The following TRIP13 variants were observed in gnomAD, a reference collection of about 807,000 sequenced individuals.
TRIP13 encodes pachytene checkpoint protein 2 homolog.
TRIP13 carries 25 observed loss-of-function variants against 54.4 expected under a neutral mutation model. The observed-to-expected ratio is 0.46, with a 90% CI of 0.33 to 0.64. TRIP13 has a LOEUF of 0.64. Among genes scored for constraint, TRIP13 ranks in the 30% least tolerant of loss-of-function variants. The probability of loss-of-function intolerance (pLI) is 0.02; values close to 1 mark genes in which losing one functional copy is unlikely to be tolerated. For missense variants in TRIP13, 373 were observed against 534.2 expected, an observed-to-expected ratio of 0.70 and a Z score of 2.97; for synonymous variants, 207 against 207.8, an observed-to-expected ratio of 1.00 and a Z score of 0.03.
In TRIP13 at chr5:907,136, A is replaced by T. The variant is rs1267984286; in HGVS notation, c.615A>T (p.Arg205=). 6.2e-7 allele frequency: 1 copy of T among 1,613,980 alleles called. No individual in the cohort carries two copies. The highest frequency in any genetic ancestry group is 1.3e-5 in the African/African-American group (1 of 74,936). The change falls in exon 7 of 13, where the codon CGA becomes CGT. Residue 205 remains arginine (R), a synonymous_variant. Transcript: ENST00000166345. This position sits in a 1 kb window ranked among gnomAD's most constrained non-coding sequence, Gnocchi z 4.1. ...CTCCTTTTTTCTATCTCAGGTACCG[A>T]TATGGCCAATTAATTGAAATAAACA... The part of the protein sequence containing the change: ...KLTIRLSSRY[R]YGQLIEINSH...
intron 9 of TRIP13, among the ~76,000 whole-genome samples, chr5:910,945 C>G (rs1181569414): frequency 6.6e-6 from 1 of 152,226 alleles, no homozygotes; most frequent in Non-Finnish European, 1.5e-5. Flanking sequence ...CTCCCTTGGC[C>G]AGGGTCTAGG....
chr5:893,039 G>C lies in TRIP13; in HGVS notation c.41G>C (p.Cys14Ser), dbSNP rs935666141. 6.3e-7 allele frequency: 1 copy of C among 1,597,178 alleles called. No homozygotes were observed. Among genetic ancestry groups the C allele is most frequent in the African/African-American group, 1.3e-5 (1 of 74,346 alleles). Residue 14 changes from cysteine to serine, a missense_variant, in exon 1 of 13, where the codon TGT (cysteine) becomes TCT (serine). By Grantham distance (112) the Cys-to-Ser change is moderately radical. Around this residue, in one of 4 missense-constraint regions of TRIP13, gnomAD observed 151 missense variants for 151.9 expected, o/e 0.99. Transcript: ENST00000166345. ...GGCGACCTGAAGCAGGCGCTTCCCTGTGTGGCCGAGTCGCCAACGGTCCAC... is the reference window on the plus strand; with the variant it reads ...GGCGACCTGAAGCAGGCGCTTCCCTCTGTGGCCGAGTCGCCAACGGTCCAC... The part of the protein sequence containing the change: ...AVGDLKQALP[C>S]VAESPTVHVE...
Position 911,563 on chromosome 5 carries a change from T to C in TRIP13, c.867-280T>C, listed in dbSNP as rs1176118836. On this transcript the variant is annotated intron_variant, in intron 9 of 12. Coordinates refer to ENST00000166345, the MANE Select transcript of TRIP13 (RefSeq NM_004237.4). This position sits in a 1 kb window ranked among gnomAD's most constrained non-coding sequence, Gnocchi z 4.7. Reference sequence around the variant, plus strand: ...TCCAGCCTGGGCGAAAGAGCGAGACTCTGTCTCAAAAAAAAAAAAAAAGGA... The same window carrying C: ...TCCAGCCTGGGCGAAAGAGCGAGACCCTGTCTCAAAAAAAAAAAAAAAGGA... 7.2e-6 allele frequency among the ~76,000 whole-genome samples: 1 copy of C among 138,580 alleles called. No individual in the cohort carries two copies. Among genetic ancestry groups the C allele is most frequent in the Non-Finnish European group, 1.6e-5 (1 of 60,758 alleles). The allele number at this position is 138,580 out of a possible 152,430, so 90.9% of individuals were successfully genotyped here.
At chr5:893,152 A>G in intron 1 of TRIP13, 62 bp downstream of exon 1, 1 of 1,262,674 alleles carries the variant, frequency 7.9e-7, no homozygotes, top group South Asian at 1.3e-5. Context: ...CAGCGCGTGC[A>G]CCGAGCCCCG....
Position 917,367 on chromosome 5 carries a change from A to G in TRIP13, c.*264A>G, listed in dbSNP as rs889316894. Reference sequence around the variant, plus strand: ...CAGATTGTTTGTCTCCTTGTGAAGAACCATCGAAACCTGTTTGTTCCCAGC... The same window carrying G: ...CAGATTGTTTGTCTCCTTGTGAAGAGCCATCGAAACCTGTTTGTTCCCAGC... On this transcript the variant is annotated 3_prime_UTR_variant, in exon 13 of 13. Coordinates refer to ENST00000166345, the MANE Select transcript of TRIP13 (RefSeq NM_004237.4). 4.0e-5 allele frequency: 14 copies of G among 350,108 alleles called. No individual in the cohort carries two copies. The highest frequency in any genetic ancestry group is 6.2e-5 in the Non-Finnish European group (12 of 192,474). 21.7% of individuals were successfully genotyped at this position (350,108 alleles called of 1,614,324 possible). A position where few individuals can be genotyped will look rare whatever the true frequency, so the allele number is the denominator to read the frequency against.
At position 914,720 on chromosome 5, in the gene TRIP13, C is replaced by CGTGT. The variant is rs60208703; in HGVS notation, c.1133+161_1133+164dup. On this transcript the variant is annotated intron_variant, in intron 11 of 12. Coordinates refer to ENST00000166345, the MANE Select transcript of TRIP13 (RefSeq NM_004237.4). ...ATAGGTATGAACATGCATGTACACA[C>CGTGT]GTGTGTGTGTGTGTGTGTGTGCATG... is the stretch of plus-strand genomic sequence containing the variant. 10,901 of 596,614 alleles carry CGTGT rather than the reference C, an allele frequency of 0.018. 657 individuals carry two copies. Among genetic ancestry groups the CGTGT allele is most frequent in the African/African-American group, 0.17 (8,769 of 52,886 alleles). The allele number at this position is 596,614 out of a possible 1,614,324, so 37.0% of individuals were successfully genotyped here.
chr5:904,867 C>T (rs1033767845), intron 6 of TRIP13, among the ~76,000 whole-genome samples: 1 of 152,130 alleles, frequency 6.6e-6, no homozygotes, highest in Admixed American at 6.5e-5. Context: ...ATTATGTTCT[C>T]GTTCACGTCT....
rs1754359675 is a variant in TRIP13 at position 917,206 on chromosome 5, A to G, written c.*103A>G. 2 of 1,085,446 alleles carry G rather than the reference A, an allele frequency of 1.8e-6. No individual in the cohort carries two copies. The highest frequency in any genetic ancestry group is 2.7e-6 in the Non-Finnish European group (2 of 751,214). The allele number at this position is 1,085,446 out of a possible 1,614,324, so 67.2% of individuals were successfully genotyped here. ...CCCAGGGAATCCCTTCTGCAAACCA[A>G]ACGTTACTTAGACTGCAAGCTAGAA... On this transcript the variant is annotated 3_prime_UTR_variant, in exon 13 of 13. Transcript: ENST00000166345.
At chr5:901,266 T>C in intron 4 of TRIP13, 75 bp from the exon 5 acceptor site, 1 of 1,405,492 alleles carries the variant, frequency 7.1e-7, no homozygotes, top group South Asian at 1.2e-5. Context: ...GATTAAGCCC[T>C]GGGGGAGGGC....
chr5:918,455 G>T (rs1457913448), downstream of TRIP13, among the ~76,000 whole-genome samples: 1 of 152,196 alleles, frequency 6.6e-6, no homozygotes, highest in East Asian at 1.9e-4. The surrounding 1 kb of genome is among the most constrained non-coding windows in gnomAD (Gnocchi z 4.3). Context: ...TCAGCTTGGG[G>T]TCCACAGTGG....
At chr5:895,072 G>A in intron 2 of TRIP13, 120 bp downstream of exon 2, 1 of 1,171,220 alleles carries the variant, frequency 8.5e-7, no homozygotes, top group Non-Finnish European at 1.2e-6. Flanking sequence ...TGTTGGTTTG[G>A]GTGGCTAGAC....
chr5:894,830 C>G lies in TRIP13; in HGVS notation c.136C>G (p.Leu46Val). ...CATAAACCTGAGTGTTAGAAAGCTA[C>G]TCAACAGACATAATATTGTGTTTGG... ...EDINLSVRKLLNRHNIVFGDY... is the reference protein window; with the variant it reads ...EDINLSVRKLVNRHNIVFGDY... The change falls in exon 2 of 13, where the codon CTC becomes GTC. Residue 46 changes from leucine (L) to valine (V), a missense_variant. Physicochemically the swap from Leu to Val is conservative, Grantham distance 32. This residue lies in a region of TRIP13 where 151 missense variants were observed against 151.9 expected (regional missense o/e 0.99). Transcript: ENST00000166345. 1.2e-6 allele frequency: 2 copies of G among 1,613,156 alleles called. No individual in the cohort carries two copies. The highest frequency in any genetic ancestry group is 1.7e-6 in the Non-Finnish European group (2 of 1,179,722).
chr5:895,769 T>A (rs1190414246), intron 2 of TRIP13, among the ~76,000 whole-genome samples: 1 of 152,328 alleles, frequency 6.6e-6, no homozygotes, highest in Middle Eastern at 3.4e-3. Context: ...GACTGCAGAT[T>A]CACTTGTAGG....
intron 3 of TRIP13, 73 bp downstream of exon 3, chr5:896,867 C>T: frequency 6.8e-7 from 1 of 1,481,442 alleles, no homozygotes; most frequent in Non-Finnish European, 9.1e-7. Flanking sequence ...TGTCAGTTCA[C>T]AGGGGGGGTT....
At position 913,219 on chromosome 5, in the gene TRIP13, C is replaced by T. The variant is rs1754277056; in HGVS notation, c.1020+1223C>T. Among the ~76,000 whole-genome samples, 1 of 152,176 alleles carries T rather than the reference C, an allele frequency of 6.6e-6. No homozygotes were observed. Among genetic ancestry groups the T allele is most frequent in the African/African-American group, 2.4e-5 (1 of 41,430 alleles). On this transcript the variant is annotated intron_variant, in intron 10 of 12. Coordinates refer to ENST00000166345, the MANE Select transcript of TRIP13 (RefSeq NM_004237.4). The surrounding 1 kb of genome is among the most constrained non-coding windows in gnomAD (Gnocchi z 4.5). Reference sequence around the variant, plus strand: ...CGTGTGTGTTGGAGGTCCTCACGCACCTTCAGTGTGGGTTCCAGCCCTCGC... The same window carrying T: ...CGTGTGTGTTGGAGGTCCTCACGCATCTTCAGTGTGGGTTCCAGCCCTCGC...
intron 6 of TRIP13, among the ~76,000 whole-genome samples, chr5:904,945 T>C (rs1405248315): frequency 1.3e-5 from 2 of 152,216 alleles, no homozygotes; most frequent in African/African-American, 4.8e-5. Flanking sequence ...CATTTCTGAT[T>C]GTGTTTCTAT....
In TRIP13 at chr5:912,856, T is replaced by A. The variant is rs1236023273; in HGVS notation, c.1020+860T>A. 1.3e-5 allele frequency among the ~76,000 whole-genome samples: 2 copies of A among 152,150 alleles called. No homozygotes were observed. Among genetic ancestry groups the A allele is most frequent in the Non-Finnish European group, 2.9e-5 (2 of 68,010 alleles). On this transcript the variant is annotated intron_variant, in intron 10 of 12. Coordinates refer to ENST00000166345, the MANE Select transcript of TRIP13 (RefSeq NM_004237.4). This position sits in a 1 kb window ranked among gnomAD's most constrained non-coding sequence, Gnocchi z 7.2. ...ACAAATCATCCTGCAGGGGCCTTTG[T>A]TTAGGGTAGTTGGGCGGTAACCAAG...
At chr5:894,523 C>T (rs1216933104) in intron 1 of TRIP13, among the ~76,000 whole-genome samples, 1 of 152,160 alleles carries the variant, frequency 6.6e-6, no homozygotes, top group Non-Finnish European at 1.5e-5. Context: ...TTAATGACTT[C>T]ACAGTAGCCC....
Position 901,422 on chromosome 5 carries a change from C to T in TRIP13, c.526C>T (p.Leu176=). The T allele has an allele frequency of 6.2e-7, 1 of 1,613,930 alleles. No individual in the cohort carries two copies. Among genetic ancestry groups the T allele is most frequent in the Non-Finnish European group, 8.5e-7 (1 of 1,179,854 alleles). ...SNLITWNRVV[L]LHGPPGTGKT... ...CCTCATCACCTGGAACCGGGTGGTGCTGCTCCACGGTAAATTATGCAGGCT... is the reference window on the plus strand; with the variant it reads ...CCTCATCACCTGGAACCGGGTGGTGTTGCTCCACGGTAAATTATGCAGGCT... The change falls in exon 5 of 13, where the codon CTG becomes TTG. Residue 176 remains leucine (L), a synonymous_variant. Coordinates refer to ENST00000166345, the MANE Select transcript of TRIP13 (RefSeq NM_004237.4).
Sources: allele counts gnomAD v4.1 joint callset (sites outside exome capture counted in the v4.1 genomes callset), GRCh38; gene constraint gnomAD v4.1.1; regional missense constraint gnomAD v4.1.1; non-coding constraint Gnocchi (gnomAD v3.1); transcripts MANE v1.5; gene names NCBI Gene and HGNC (gene_info 2026-07-23, HGNC 2026-07-21).